COL12A1: variants seen among roughly 807,000 people sequenced by gnomAD.
COL12A1 encodes the protein collagen type XII alpha 1 chain.
COL12A1 carries 114 observed loss-of-function variants against 349.7 expected under a neutral mutation model. The observed-to-expected ratio is 0.33, with a 90% CI of 0.28 to 0.38. COL12A1 has a LOEUF of 0.38. Ranked by LOEUF, COL12A1 falls within the 10% of genes least tolerant of loss-of-function variation. The probability of loss-of-function intolerance (pLI) is 1.00; values close to 1 mark genes in which losing one functional copy is unlikely to be tolerated. For missense variants in COL12A1, 3,284 were observed against 3,756.9 expected (o/e 0.87, Z 3.29); for synonymous variants, 1,369 against 1,329.0 (o/e 1.03, Z -0.66).
chr6:75,100,516 G>A (rs1361090521), intron 58 of COL12A1, among the ~76,000 whole-genome samples: 1 of 152,024 alleles, frequency 6.6e-6, no homozygotes, highest in Non-Finnish European at 1.5e-5. Context: ...AGTCTCAAAA[G>A]AGTCAGAAGA....
At chr6:75,142,284 T>C (rs1766935615) in intron 26 of COL12A1, 123 bp from the exon 27 acceptor site, 2 of 1,159,566 alleles carry the variant, frequency 1.7e-6, no homozygotes, top group Admixed American at 2.1e-5. Flanking sequence ...AGCAGTGTTT[T>C]CCAATATACA....
In COL12A1 at chr6:75,181,702, T is replaced by C. The variant is rs564708001; in HGVS notation, c.1892-491A>G. On this transcript the variant is annotated intron_variant, in intron 10 of 65. Transcript: ENST00000322507. Reference sequence around the variant, plus strand: ...ACTTAGCAGTTATTAAACTAAATCATAGAAAGAGACAATGTTTAACACATA... The same window carrying C: ...ACTTAGCAGTTATTAAACTAAATCACAGAAAGAGACAATGTTTAACACATA... Among the ~76,000 whole-genome samples the C allele has an allele frequency of 5.3e-5, 8 of 151,734 alleles. No homozygotes were observed. The South Asian group carries it at 1.0e-3, about 20-fold the overall frequency.
At chr6:75,102,824 A>T (rs1768369536) in intron 55 of COL12A1, 132 bp from the exon 56 acceptor site, 2 of 451,786 alleles carry the variant, frequency 4.4e-6, no homozygotes, top group African/African-American at 2.0e-5. Context: ...AAGAATCTAC[A>T]TCTATGAATA....
chr6:75,135,704 C>G (rs1330487365), intron 31 of COL12A1, among the ~76,000 whole-genome samples: 2 of 152,156 alleles, frequency 1.3e-5, no homozygotes, highest in East Asian at 3.9e-4. Context: ...CTCAAGTAGT[C>G]TGAATTCCAG....
chr6:75,197,156 T>C (rs1202905747), intron 2 of COL12A1, among the ~76,000 whole-genome samples: 1 of 152,204 alleles, frequency 6.6e-6, no homozygotes, highest in Non-Finnish European at 1.5e-5. Context: ...TGTAAGTGTA[T>C]GACCCGTGTC....
intron 49 of COL12A1, 49 bp downstream of exon 49, chr6:75,115,735 A>C: frequency 6.4e-7 from 1 of 1,554,126 alleles, no homozygotes; most frequent in Non-Finnish European, 8.7e-7. Context: ...TATTCCAAGA[A>C]CTTTTTGCAG....
chr6:75,097,054 C>T (rs903106717), intron 59 of COL12A1, among the ~76,000 whole-genome samples, 199 bp downstream of exon 59: 3 of 152,108 alleles, frequency 2.0e-5, no homozygotes, highest in African/African-American at 7.2e-5. Context: ...TCAAGTGTAA[C>T]TTGATTAAAC....
rs778968549 is a variant in COL12A1 at position 75,133,874 on chromosome 6, C to T, written c.5648G>A (p.Gly1883Asp). The T allele has an allele frequency of 6.2e-7, 1 of 1,614,116 alleles. No homozygotes were observed. Among genetic ancestry groups the T allele is most frequent in the Admixed American group, 1.7e-5 (1 of 60,018 alleles). ...AATAATTACCAGTTCCTCTGGACCA[C>T]CTGCTGCTGGTGCATAGAAGAGCTT... ...QYKLFYAPAAGGPEELVPIPG... is the reference protein window; with the variant it reads ...QYKLFYAPAADGPEELVPIPG... The change falls in exon 33 of 66, where the codon GGT becomes GAT. Residue 1883 changes from glycine (G) to aspartate (D), a missense_variant. Physicochemically the swap from Gly to Asp is moderately conservative, Grantham distance 94. This residue lies in a region of COL12A1 where 2,601 missense variants were observed against 2,824.8 expected (regional missense o/e 0.92). Coordinates refer to ENST00000322507, the MANE Select transcript of COL12A1 (RefSeq NM_004370.6).
intron 53 of COL12A1, 111 bp downstream of exon 53, chr6:75,106,308 A>C: frequency 1.1e-6 from 1 of 905,720 alleles, no homozygotes; most frequent in South Asian, 1.6e-5. Context: ...CGTGTCTTTT[A>C]GCTCCATCCT....
chr6:75,127,862 G>T (rs1199151191), intron 38 of COL12A1, among the ~76,000 whole-genome samples: 1 of 152,088 alleles, frequency 6.6e-6, no homozygotes, highest in Non-Finnish European at 1.5e-5. Context: ...AGCTAAATTT[G>T]TAGACAGAAA....
chr6:75,182,644 G>A (rs1020906290), intron 10 of COL12A1, among the ~76,000 whole-genome samples: 1 of 152,146 alleles, frequency 6.6e-6, no homozygotes, highest in African/African-American at 2.4e-5. Flanking sequence ...GAAAGGAAAT[G>A]CATAAAAAGA....
At position 75,132,127 on chromosome 6, in the gene COL12A1, T is replaced by C. The variant is rs369876422; in HGVS notation, c.5795-45A>G. On this transcript the variant is annotated intron_variant, in intron 34 of 65. Transcript: ENST00000322507. ...CATCTATTTTTTAAGTCTGTTTATA[T>C]ATCTCAAGCTTTTGTATCACTTTTC... 1.3e-5 allele frequency: 20 copies of C among 1,597,084 alleles called. No homozygotes were observed. In the African/African-American group the frequency reaches 1.6e-4, roughly 13 times the overall value.
intron 45 of COL12A1, 73 bp from the exon 46 acceptor site, chr6:75,119,259 A>G (rs1267563762): frequency 1.2e-6 from 2 of 1,610,160 alleles, no homozygotes; most frequent in Non-Finnish European, 1.7e-6. Flanking sequence ...GTCACACCCA[A>G]CTGATAAGAA....
At chr6:75,132,615 A>G (rs1296310637) in intron 34 of COL12A1, among the ~76,000 whole-genome samples, 1 of 152,220 alleles carries the variant, frequency 6.6e-6, no homozygotes, top group Admixed American at 6.5e-5. Flanking sequence ...TAACTGCCCC[A>G]ATAGGAACTT....
At chr6:75,180,888 T>G (rs1769234235) in intron 11 of COL12A1, 51 bp downstream of exon 11, 1 of 1,570,344 alleles carries the variant, frequency 6.4e-7, no homozygotes, top group Non-Finnish European at 8.7e-7. Context: ...AACTTTGTAG[T>G]GCAATAAATT....
chr6:75,154,590 A>G, intron 16 of COL12A1, 53 bp from the exon 17 acceptor site: 1 of 1,519,700 alleles, frequency 6.6e-7, no homozygotes, highest in Non-Finnish European at 8.8e-7. Context: ...CTCAAGTGGT[A>G]GCACTTTTTT....
rs370068148 is a variant in COL12A1, at chr6:75,145,391, G to C, written c.4625C>G (p.Ala1542Gly). 1 of 1,613,878 alleles carries C rather than the reference G, an allele frequency of 6.2e-7. No homozygotes were observed. Among genetic ancestry groups the C allele is most frequent in the Non-Finnish European group, 8.5e-7 (1 of 1,179,870 alleles). ...LTDLVPNTEY[A>G]VTVQAVLHDL... ...GTGCAGGACAGCCTGGACTGTGACT[G>C]CATACTCCGTGTTGGGAACAAGGTC... Residue 1542 changes from alanine (A) to glycine (G), a missense_variant, in exon 25 of 66, where the codon GCA (alanine) becomes GGA (glycine). Ala to Gly is a moderately conservative substitution (Grantham distance 60). Coordinates refer to ENST00000322507, the MANE Select transcript of COL12A1 (RefSeq NM_004370.6).
chr6:75,087,129 C>T (rs1767537233), intron 65 of COL12A1: 1 of 160,584 alleles, frequency 6.2e-6, no homozygotes, highest in African/African-American at 2.4e-5. Context: ...AATTCCATGG[C>T]TAGTATGGGA....
At chr6:75,110,835 G>A (rs1241565111) in intron 51 of COL12A1, among the ~76,000 whole-genome samples, 1 of 151,896 alleles carries the variant, frequency 6.6e-6, no homozygotes, top group African/African-American at 2.4e-5. Context: ...TTCAATTCAG[G>A]AATTAGACGG....
Sources: gnomAD v4.1 joint callset for allele counts (sites outside exome capture counted in the v4.1 genomes callset) on GRCh38, gnomAD v4.1.1 for gene constraint, gnomAD v4.1.1 regional missense constraint, MANE v1.5 for transcripts, NCBI Gene and HGNC (gene_info 2026-07-23, HGNC 2026-07-21) for gene names.